MRO: variants seen among roughly 807,000 people sequenced by gnomAD.
MRO encodes the protein protein maestro.
A neutral mutation model predicts 31.0 loss-of-function variants in MRO; 28 were observed. The ratio of observed to expected loss-of-function variants is 0.90; its 90% CI spans 0.67 to 1.24. The LOEUF (loss-of-function observed/expected upper bound fraction) is 1.24, where lower values mean the gene tolerates loss of function less well. Among genes scored for constraint, MRO ranks in the 50% most tolerant of loss-of-function variants. The pLI is 0.00. For missense variants in MRO, 332 were observed against 289.2 expected (o/e 1.15, Z -1.07); for synonymous variants, 108 against 108.4 (o/e 1.00, Z 0.02).
At chr18:50,817,433 C>T (rs1915019829) in intron 2 of MRO, among the ~76,000 whole-genome samples, 1 of 151,984 alleles carries the variant, frequency 6.6e-6, no homozygotes. Context: ...TCTGAGGCTG[C>T]CGTAAGCCAT....
rs1028649773 is a variant in MRO at position 50,816,932 on chromosome 18, G to A, written c.-5+2649C>T. Among the ~76,000 whole-genome samples, 25 of 152,258 alleles carry A rather than the reference G, an allele frequency of 1.6e-4. No individual in the cohort carries two copies. The East Asian group carries it at 3.7e-3, about 22-fold the overall frequency. On this transcript the variant is annotated intron_variant, in intron 2 of 7. Transcript: ENST00000398439. ...TTCCATTGGTAAAGAAAACAAACCT[G>A]CTACCCTGTTCTTTCTGCTTGACTT...
chr18:50,808,410 T>C (rs952555555), intron 3 of MRO, among the ~76,000 whole-genome samples: 1 of 152,064 alleles, frequency 6.6e-6, no homozygotes, highest in Admixed American at 6.6e-5. Flanking sequence ...CAAAGCTTCA[T>C]TAGTATTCCT....
chr18:50,803,026 C>T (rs1338531371), intron 5 of MRO, among the ~76,000 whole-genome samples: 4 of 152,010 alleles, frequency 2.6e-5, no homozygotes, highest in Non-Finnish European at 4.4e-5. Flanking sequence ...GACAGATGCT[C>T]GCCCCGCTAG....
upstream of MRO, among the ~76,000 whole-genome samples, chr18:50,820,667 C>G (rs1915269757): frequency 6.6e-6 from 1 of 152,174 alleles, no homozygotes; most frequent in Non-Finnish European, 1.5e-5. Context: ...GGTTAATACT[C>G]CTACTATAGT....
intron 2 of MRO, chr18:50,815,403 T>A: frequency 4.1e-6 from 1 of 242,862 alleles, no homozygotes; most frequent in Non-Finnish European, 8.4e-6. Context: ...ATGCAGGAGA[T>A]GACAGTGGAT....
Position 50,805,130 on chromosome 18 carries a change from C to G in MRO, c.429+24G>C, listed in dbSNP as rs561226440. On this transcript the variant is annotated intron_variant, in intron 5 of 7. Coordinates refer to ENST00000398439, the MANE Select transcript of MRO (RefSeq NM_031939.6). Reference sequence around the variant, plus strand: ...CTAAGCCCATTTTGATTTCAATAACCCAGAATTTTTCTGATTTACTTACGT... The same window carrying G: ...CTAAGCCCATTTTGATTTCAATAACGCAGAATTTTTCTGATTTACTTACGT... 15 of 1,595,232 alleles carry G rather than the reference C, an allele frequency of 9.4e-6. No individual in the cohort carries two copies. The East Asian group carries it at 2.0e-4, about 21-fold the overall frequency.
chr18:50,798,786 CTG>C lies in MRO; in HGVS notation c.*549_*550del, dbSNP rs961742050. The C allele has an allele frequency of 1.1e-4, 17 of 152,300 alleles. No homozygotes were observed. The highest frequency in any genetic ancestry group is 3.6e-4 in the African/African-American group (15 of 41,404). 9.4% of individuals were successfully genotyped at this position (152,300 alleles called of 1,614,324 possible). Reference sequence around the variant, plus strand: ...TTTAGCATGATCTTGAAAGCAATGACTGTTTAAAATTATGAGAAGCCAAAGAT... The same window carrying C: ...TTTAGCATGATCTTGAAAGCAATGACTTTAAAATTATGAGAAGCCAAAGAT... On this transcript the variant is annotated 3_prime_UTR_variant, in exon 8 of 8. Coordinates refer to ENST00000398439, the MANE Select transcript of MRO (RefSeq NM_031939.6).
At chr18:50,802,100 A>T (rs1026141271) in intron 5 of MRO, among the ~76,000 whole-genome samples, 1 of 152,316 alleles carries the variant, frequency 6.6e-6, no homozygotes, top group Non-Finnish European at 1.5e-5. Context: ...ATCAATACAT[A>T]AAAGAGTTTT....
chr18:50,801,421 GA>G lies in MRO; in HGVS notation c.512del (p.Phe171SerfsTer13). ...AFAGRKWKKFFTSQVKQTRDS... is the reference protein window; with the variant it reads ...AFAGRKWKKFXTSQVKQTRDS... The stretch of plus-strand genomic sequence containing the variant: ...CTCGTGTCTGCTTAACCTGACTGGT[GA>G]AAAATTTTTTCCATTTCCTCCCGGC... On this transcript the variant is annotated frameshift_variant, in exon 6 of 8. Coordinates refer to ENST00000398439, the MANE Select transcript of MRO (RefSeq NM_031939.6). LOFTEE classifies it high-confidence loss of function. 2.5e-6 allele frequency: 4 copies of G among 1,612,144 alleles called. No individual in the cohort carries two copies. In the South Asian group the frequency reaches 4.4e-5, roughly 18 times the overall value.
At position 50,796,270 on chromosome 18, in the gene MRO, C is replaced by T. The variant is rs1912783523; in HGVS notation, c.*3067G>A. Reference sequence around the variant, plus strand: ...GGCTCCTCCCAGTAAGGAATGACAGCTTCAGATGACTTTCTGACATTTTTC... The same window carrying T: ...GGCTCCTCCCAGTAAGGAATGACAGTTTCAGATGACTTTCTGACATTTTTC... On this transcript the variant is annotated 3_prime_UTR_variant, in exon 8 of 8. Transcript: ENST00000398439. The T allele has an allele frequency of 6.6e-6, 1 of 152,124 alleles. No individual in the cohort carries two copies. The highest frequency in any genetic ancestry group is 6.6e-5 in the Admixed American group (1 of 15,264). The allele number at this position is 152,124 out of a possible 1,614,324, so 9.4% of individuals were successfully genotyped here.
intron 2 of MRO, chr18:50,816,120 T>C (rs1914898603): frequency 6.5e-6 from 1 of 152,746 alleles, no homozygotes; most frequent in African/African-American, 2.4e-5. Context: ...AAGCAGCAAG[T>C]TACCTTGAAA....
intron 5 of MRO, 94 bp downstream of exon 5, chr18:50,805,060 A>C (rs1258462350): frequency 6.1e-5 from 64 of 1,046,014 alleles, no homozygotes; most frequent in Non-Finnish European, 9.0e-5. Context: ...CAAAGTGCTG[A>C]GATTACAGGC....
In MRO at chr18:50,805,114, T is replaced by C. The variant is rs370938935; in HGVS notation, c.429+40A>G. ...CCCCACAGTCATATTTCTAAGCCCA[T>C]TTTGATTTCAATAACCCAGAATTTT... On this transcript the variant is annotated intron_variant, in intron 5 of 7. Transcript: ENST00000398439. 1.2e-5 allele frequency: 19 copies of C among 1,549,376 alleles called. No homozygotes were observed. The African/African-American group carries it at 2.4e-4, about 20-fold the overall frequency.
chr18:50,813,408 G>T lies in MRO; in HGVS notation c.-4-4004C>A, dbSNP rs768017767. On this transcript the variant is annotated intron_variant, in intron 2 of 7. Transcript: ENST00000398439. ...TGTTTGATTGAAGGTATTCCCACAG[G>T]CTTCCTCATTAAACCAGTGGTTCTC... 2.0e-5 allele frequency among the ~76,000 whole-genome samples: 3 copies of T among 152,224 alleles called. No homozygotes were observed. The East Asian group carries it at 5.8e-4, about 29-fold the overall frequency.
intron 2 of MRO, among the ~76,000 whole-genome samples, chr18:50,817,348 G>C (rs894146578): frequency 9.2e-5 from 14 of 152,018 alleles, no homozygotes; most frequent in African/African-American, 3.4e-4. Flanking sequence ...CAAACTCCAA[G>C]CCAGAGGTGG....
chr18:50,814,032 G>T (rs1305216257), intron 2 of MRO, among the ~76,000 whole-genome samples: 1 of 152,078 alleles, frequency 6.6e-6, no homozygotes, highest in East Asian at 1.9e-4. Flanking sequence ...CAAAAAACAT[G>T]CTTGGTTGTT....
intron 5 of MRO, 126 bp from the exon 6 acceptor site, chr18:50,801,630 C>G (rs758590875): frequency 5.8e-6 from 5 of 868,808 alleles, no homozygotes; most frequent in East Asian, 2.7e-5. Context: ...TCACAGCCAT[C>G]GATCTTGACT....
rs1912941666 is a variant in MRO, at chr18:50,798,117, G to A, written c.*1220C>T. ...TGTGGCCTGGATACTGAATTCAGGG[G>A]TGGTACCAGAGTTTCTATAGAAGCT... On this transcript the variant is annotated 3_prime_UTR_variant, in exon 8 of 8. Coordinates refer to ENST00000398439, the MANE Select transcript of MRO (RefSeq NM_031939.6). 1 of 152,190 alleles carries A rather than the reference G, an allele frequency of 6.6e-6. No homozygotes were observed. Among genetic ancestry groups the A allele is most frequent in the South Asian group, 2.1e-4 (1 of 4,828 alleles). 9.4% of individuals were successfully genotyped at this position (152,190 alleles called of 1,614,324 possible). A position where few individuals can be genotyped will look rare whatever the true frequency, so the allele number is the denominator to read the frequency against.
chr18:50,815,642 G>C (rs1599038566), intron 2 of MRO: 1 of 350,746 alleles, frequency 2.9e-6, no homozygotes, highest in East Asian at 7.6e-5. Context: ...GCATGAAAGG[G>C]GGCAGTTTTG....
Sources: allele counts gnomAD v4.1 joint callset (sites outside exome capture counted in the v4.1 genomes callset), GRCh38; gene constraint gnomAD v4.1.1; transcripts MANE v1.5; gene names NCBI Gene and HGNC (gene_info 2026-07-23, HGNC 2026-07-21).